PPP4R4: variants seen among roughly 807,000 people sequenced by gnomAD.
PPP4R4 encodes protein phosphatase 4 regulatory subunit 4.
In PPP4R4, 70 loss-of-function variants were observed where a neutral mutation model predicts 121.8. The ratio of observed to expected loss-of-function variants is 0.57; its 90% CI spans 0.47 to 0.70. The LOEUF is 0.70. Ranked by LOEUF, PPP4R4 falls within the 30% of genes least tolerant of loss-of-function variation. The pLI is 0.00. For missense variants in PPP4R4, 875 were observed against 1,033.6 expected (o/e 0.85, Z 2.10); for synonymous variants, 348 against 355.7 (o/e 0.98, Z 0.24).
chr14:94,214,585 G>T (rs141660439), intron 3 of PPP4R4, among the ~76,000 whole-genome samples: 193 of 151,688 alleles, frequency 1.3e-3, no homozygotes, highest in African/African-American at 4.3e-3. Flanking sequence ...ATTTATTATA[G>T]AATTTTATGT....
At chr14:94,240,539 C>G in intron 8 of PPP4R4, 134 bp from the exon 9 acceptor site, 2 of 960,026 alleles carry the variant, frequency 2.1e-6, no homozygotes, top group Non-Finnish European at 3.0e-6. Flanking sequence ...ATCGTTGTTG[C>G]TTTCAGGTAT....
chr14:94,202,845 T>G (rs1280813444), intron 2 of PPP4R4, among the ~76,000 whole-genome samples: 1 of 151,818 alleles, frequency 6.6e-6, no homozygotes, highest in Non-Finnish European at 1.5e-5. Context: ...TGGCCGGGCG[T>G]GGTGGCACGT....
intron 23 of PPP4R4, among the ~76,000 whole-genome samples, chr14:94,274,287 C>A (rs1480925334): frequency 2.0e-5 from 3 of 151,926 alleles, no homozygotes; most frequent in Admixed American, 2.0e-4. Context: ...TATCAACACA[C>A]TGGACTTAAT....
At chr14:94,242,088 C>G in intron 10 of PPP4R4, 131 bp downstream of exon 10, 1 of 1,142,438 alleles carries the variant, frequency 8.8e-7, no homozygotes, top group Middle Eastern at 2.2e-4. Flanking sequence ...ATAGTATGTG[C>G]AGAGTAAATA....
chr14:94,187,378 T>C (rs571155927), intron 2 of PPP4R4, among the ~76,000 whole-genome samples: 16 of 152,362 alleles, frequency 1.1e-4, no homozygotes, highest in African/African-American at 3.8e-4. Flanking sequence ...AACTTTCTTT[T>C]GGCTAGCATT....
At chr14:94,275,611 T>C in intron 24 of PPP4R4, 90 bp downstream of exon 24, 2 of 1,403,642 alleles carry the variant, frequency 1.4e-6, no homozygotes, top group South Asian at 1.3e-5. Flanking sequence ...TTCCAAAGAA[T>C]AGAAAATGTC....
chr14:94,208,006 C>G (rs1036852718), intron 2 of PPP4R4, among the ~76,000 whole-genome samples: 4 of 151,660 alleles, frequency 2.6e-5, no homozygotes, highest in Admixed American at 2.0e-4. Flanking sequence ...TTTCACTGTA[C>G]CAAGAGAAAG....
intron 3 of PPP4R4, among the ~76,000 whole-genome samples, chr14:94,220,825 G>A (rs898556363): frequency 1.2e-4 from 19 of 152,048 alleles, no homozygotes; most frequent in African/African-American, 4.1e-4. Flanking sequence ...AGATCAATGC[G>A]TATATTTAAT....
At chr14:94,220,358 GC>G (rs1463586333) in intron 3 of PPP4R4, among the ~76,000 whole-genome samples, 2 of 152,196 alleles carry the variant, frequency 1.3e-5, no homozygotes, top group African/African-American at 4.8e-5. Flanking sequence ...AAAAGTGTCT[GC>G]TCTTAACCAC....
chr14:94,222,630 G>A (rs1037733735), intron 3 of PPP4R4, among the ~76,000 whole-genome samples: 1 of 150,880 alleles, frequency 6.6e-6, no homozygotes, highest in Non-Finnish European at 1.5e-5. Flanking sequence ...AAGTCTGCTG[G>A]TAACAAATTA....
Position 94,275,366 on chromosome 14 carries a change from G to A in PPP4R4, c.2450-8G>A. The A allele has an allele frequency of 6.2e-7, 1 of 1,613,374 alleles. No individual in the cohort carries two copies. The highest frequency in any genetic ancestry group is 1.1e-5 in the South Asian group (1 of 91,012). On this transcript the variant is annotated splice_region_variant and splice_polypyrimidine_tract_variant and intron_variant, in intron 23 of 24. Transcript: ENST00000304338. ...TGGTATGTCTGACTTTATATGTATT[G>A]CTTTCAGATGATTCATTCCGGACTC...
chr14:94,174,690 C>G, intron 1 of PPP4R4, 108 bp downstream of exon 1: 2 of 1,475,252 alleles, frequency 1.4e-6, no homozygotes, highest in Non-Finnish European at 1.8e-6. Context: ...TCCGGGCCGC[C>G]GGGACCCTCT....
intron 14 of PPP4R4, among the ~76,000 whole-genome samples, chr14:94,247,788 A>G (rs1053580495): frequency 6.6e-5 from 10 of 152,250 alleles, no homozygotes; most frequent in Non-Finnish European, 7.3e-5. Flanking sequence ...TATTTGCCAC[A>G]TAAACAGGAT....
At chr14:94,232,601 C>G (rs547373815) in intron 5 of PPP4R4, among the ~76,000 whole-genome samples, 1 of 152,134 alleles carries the variant, frequency 6.6e-6, no homozygotes, top group South Asian at 2.1e-4. Flanking sequence ...TTATTCTAAA[C>G]TTTTCACTTC....
chr14:94,180,147 T>C (rs1343134990), intron 2 of PPP4R4, among the ~76,000 whole-genome samples: 1 of 152,168 alleles, frequency 6.6e-6, no homozygotes, highest in East Asian at 1.9e-4. Context: ...AATTCCCTTC[T>C]GTCTCCTTTT....
intron 2 of PPP4R4, among the ~76,000 whole-genome samples, chr14:94,184,041 CAATT>C (rs1889129524): frequency 6.6e-6 from 1 of 152,042 alleles, no homozygotes; most frequent in African/African-American, 2.4e-5. Context: ...TTTTCATGAG[CAATT>C]AATTCATCCC....
chr14:94,189,921 C>T (rs1438841306), intron 2 of PPP4R4, among the ~76,000 whole-genome samples: 4 of 152,174 alleles, frequency 2.6e-5, no homozygotes, highest in African/African-American at 9.6e-5. Context: ...GCCTGGCACC[C>T]AGCAGTTCCT....
chr14:94,264,952 GTAGT>G lies in PPP4R4; in HGVS notation c.2197+7_2197+10del. The G allele has an allele frequency of 5.1e-6, 8 of 1,582,944 alleles. No homozygotes were observed. The highest frequency in any genetic ancestry group is 6.9e-6 in the Non-Finnish European group (8 of 1,164,154). On this transcript the variant is annotated splice_donor_region_variant and intron_variant, in intron 20 of 24. Transcript: ENST00000304338. ...ATAAAATGTTTGAAAAGAAACGTAA[GTAGT>G]TTTTCTATGTCTTCAACACTTAATT...
intron 14 of PPP4R4, among the ~76,000 whole-genome samples, chr14:94,249,155 T>C (rs1893050583): frequency 6.6e-6 from 1 of 152,064 alleles, no homozygotes; most frequent in Non-Finnish European, 1.5e-5. Flanking sequence ...TATCAGTATA[T>C]ATAAAATGAA....
Sources: gnomAD v4.1 joint callset for allele counts (sites outside exome capture counted in the v4.1 genomes callset) on GRCh38, gnomAD v4.1.1 for gene constraint, MANE v1.5 for transcripts, NCBI Gene and HGNC (gene_info 2026-07-23, HGNC 2026-07-21) for gene names.